The following CNTNAP2 variants were observed in gnomAD, a reference collection of about 807,000 sequenced individuals.
CNTNAP2 encodes the protein contactin-associated protein-like 2.
CNTNAP2 carries 98 observed loss-of-function variants against 155.2 expected under a neutral mutation model. The ratio of observed to expected loss-of-function variants is 0.63; its 90% CI spans 0.54 to 0.75. The LOEUF is 0.75. Among genes scored for constraint, CNTNAP2 ranks in the 30% least tolerant of loss-of-function variants. CNTNAP2 has a pLI of 0.00. For synonymous variants in CNTNAP2, 651 were observed against 631.2 expected, an observed-to-expected ratio of 1.03 and a Z score of -0.47; for missense variants, 1,727 against 1,688.1, an observed-to-expected ratio of 1.02 and a Z score of -0.40.
chr7:146,438,132 A>G (rs1796269870), intron 1 of CNTNAP2, among the ~76,000 whole-genome samples: 1 of 151,468 alleles, frequency 6.6e-6, no homozygotes, highest in Non-Finnish European at 1.5e-5. Flanking sequence ...GCTATACATT[A>G]TACATATGTA....
chr7:148,101,313 ATCAC>A lies in CNTNAP2; in HGVS notation c.2384-16800_2384-16797del. 2.0e-5 allele frequency among the ~76,000 whole-genome samples: 3 copies of A among 149,380 alleles called. No individual in the cohort carries two copies. The South Asian group carries it at 6.3e-4, about 31-fold the overall frequency. Reference sequence around the variant, plus strand: ...ATAAAATTAAAAAACAAACAAACAAATCACTCACACCATGGAAGCACAAAACTAA... The same window carrying A: ...ATAAAATTAAAAAACAAACAAACAAATCACACCATGGAAGCACAAAACTAA... On this transcript the variant is annotated intron_variant, in intron 15 of 23. Coordinates refer to ENST00000361727, the MANE Select transcript of CNTNAP2 (RefSeq NM_014141.6).
intron 1 of CNTNAP2, among the ~76,000 whole-genome samples, chr7:146,453,863 G>T (rs1239649244): frequency 6.6e-6 from 1 of 151,986 alleles, no homozygotes; most frequent in Non-Finnish European, 1.5e-5. Context: ...GAAACACAAA[G>T]AGAAAAAAAT....
Position 148,299,291 on chromosome 7 carries a change from C to A in CNTNAP2, c.3475+32165C>A, listed in dbSNP as rs555943494. Among the ~76,000 whole-genome samples the A allele has an allele frequency of 1.2e-4, 19 of 152,210 alleles. No individual in the cohort carries two copies. The East Asian group carries it at 3.1e-3, about 25-fold the overall frequency. On this transcript the variant is annotated intron_variant, in intron 21 of 23. Transcript: ENST00000361727. ...AGATGTGAGCCACCACACCCGGCCC[C>A]AACTTTTTAAAAATATTTTTTAAAG... is the stretch of plus-strand genomic sequence containing the variant.
intron 9 of CNTNAP2, among the ~76,000 whole-genome samples, chr7:147,316,724 T>C (rs1563157856): frequency 6.6e-6 from 1 of 151,464 alleles, no homozygotes; most frequent in Non-Finnish European, 1.5e-5. Flanking sequence ...TATACAAGAA[T>C]GTTTATTGCA....
intron 14 of CNTNAP2, among the ~76,000 whole-genome samples, chr7:147,953,211 C>T (rs1233074829): frequency 6.6e-6 from 1 of 152,112 alleles, no homozygotes; most frequent in Non-Finnish European, 1.5e-5. Context: ...TTGTGTGTTC[C>T]ATTGTCTCTT....
intron 9 of CNTNAP2, among the ~76,000 whole-genome samples, chr7:147,325,271 G>A (rs1584874227): frequency 1.3e-5 from 2 of 152,292 alleles, no homozygotes; most frequent in East Asian, 3.9e-4. Context: ...CTACACTCCA[G>A]TCTGGGATGG....
intron 9 of CNTNAP2, among the ~76,000 whole-genome samples, chr7:147,339,698 T>G (rs1795728617): frequency 6.6e-6 from 1 of 151,992 alleles, no homozygotes; most frequent in Admixed American, 6.6e-5. Flanking sequence ...GCAAGAATTT[T>G]TTTTCCTTCA....
intron 1 of CNTNAP2, among the ~76,000 whole-genome samples, chr7:146,229,103 AAAAC>A (rs1291212744): frequency 1.3e-5 from 2 of 152,226 alleles, no homozygotes; most frequent in African/African-American, 4.8e-5. Flanking sequence ...TTCTTAAAGA[AAAAC>A]AAAAAAGAGT....
chr7:146,733,018 G>A (rs1271560714), intron 1 of CNTNAP2, among the ~76,000 whole-genome samples: 2 of 152,022 alleles, frequency 1.3e-5, no homozygotes, highest in Non-Finnish European at 2.9e-5. Context: ...TTCAAAAGTT[G>A]ATATTCTAAT....
rs139872283 is a variant in CNTNAP2 at position 148,403,560 on chromosome 7, C to T, written c.3716-5831C>T. ...CCAAAGTATAGGTTCCTTGATACTC[C>T]AACACCACTAAAATTGTTCAGCTCT... On this transcript the variant is annotated intron_variant, in intron 22 of 23. Coordinates refer to ENST00000361727, the MANE Select transcript of CNTNAP2 (RefSeq NM_014141.6). Among the ~76,000 whole-genome samples, 269 of 152,240 alleles carry T rather than the reference C, an allele frequency of 1.8e-3. 1 individual carries two copies. Among genetic ancestry groups the T allele is most frequent in the Middle Eastern group, 0.01 (3 of 294 alleles).
rs569644838 is a variant in CNTNAP2 at position 148,229,665 on chromosome 7, C to A, written c.3267C>A (p.Tyr1089Ter). 1 of 1,614,124 alleles carries A rather than the reference C, an allele frequency of 6.2e-7. No individual in the cohort carries two copies. Among genetic ancestry groups the A allele is most frequent in the African/African-American group, 1.3e-5 (1 of 75,030 alleles). The change falls in exon 20 of 24, where the codon TAC (tyrosine) becomes TAA (stop). Residue 1089 changes from tyrosine (Y) to a stop codon, truncating the protein, a stop_gained. Coordinates refer to ENST00000361727, the MANE Select transcript of CNTNAP2 (RefSeq NM_014141.6). LOFTEE classifies it high-confidence loss of function. ...CTATAGGAAGCTTACAGATTCGATA[C>A]AACCTGGGTGGCACCCGAGAGCCAT... ...VKPTGSLQIRYNLGGTREPYN... is the reference protein window; with the variant it reads ...VKPTGSLQIR
intron 1 of CNTNAP2, among the ~76,000 whole-genome samples, chr7:146,252,709 G>T (rs1563008971): frequency 6.6e-6 from 1 of 152,016 alleles, no homozygotes; most frequent in Admixed American, 6.6e-5. Context: ...TATGTTTTAG[G>T]ATACCCATTG....
chr7:146,963,629 A>G (rs1797597790), intron 3 of CNTNAP2, among the ~76,000 whole-genome samples: 1 of 152,198 alleles, frequency 6.6e-6, no homozygotes, highest in South Asian at 2.1e-4. Flanking sequence ...CACGATGTAT[A>G]GTGCCTAAAT....
chr7:147,629,127 C>A (rs113837772), intron 12 of CNTNAP2, among the ~76,000 whole-genome samples: 1 of 152,016 alleles, frequency 6.6e-6, no homozygotes. Context: ...ATAGGCCGAC[C>A]GCTGTGGTTC....
chr7:147,424,867 A>G (rs930537054), intron 10 of CNTNAP2, among the ~76,000 whole-genome samples: 3 of 152,074 alleles, frequency 2.0e-5, no homozygotes, highest in Non-Finnish European at 4.4e-5. Flanking sequence ...CTTCCTTTTG[A>G]CCTTCACATC....
intron 14 of CNTNAP2, among the ~76,000 whole-genome samples, chr7:147,942,071 A>T (rs1054471834): frequency 1.3e-5 from 2 of 152,080 alleles, no homozygotes; most frequent in Non-Finnish European, 2.9e-5. Flanking sequence ...TTTCTCTTCA[A>T]CCTGATGCAA....
At chr7:148,025,176 G>A (rs1422559773) in intron 15 of CNTNAP2, among the ~76,000 whole-genome samples, 4 of 152,162 alleles carry the variant, frequency 2.6e-5, no homozygotes, top group Admixed American at 2.6e-4. Flanking sequence ...TACAAGATTT[G>A]TAACTTCTCC....
intron 8 of CNTNAP2, among the ~76,000 whole-genome samples, chr7:147,265,791 A>G (rs937120407): frequency 2.6e-5 from 4 of 152,076 alleles, no homozygotes; most frequent in African/African-American, 9.7e-5. Context: ...GAGGACAGAG[A>G]TCCCAGAGGA....
At chr7:146,184,336 C>T (rs890869546) in intron 1 of CNTNAP2, among the ~76,000 whole-genome samples, 4 of 152,018 alleles carry the variant, frequency 2.6e-5, no homozygotes, top group Admixed American at 1.3e-4. Flanking sequence ...CCAAAATAAC[C>T]GAAATGGCAG....
Sources: gnomAD v4.1 joint callset for allele counts (sites outside exome capture counted in the v4.1 genomes callset) on GRCh38, gnomAD v4.1.1 for gene constraint, MANE v1.5 for transcripts, NCBI Gene and HGNC (gene_info 2026-07-23, HGNC 2026-07-21) for gene names.